Variants in RSPH14 observed in about 807,000 individuals in gnomAD.
The protein encoded by RSPH14 is rhabdoid tumor deletion region gene 1.
RSPH14 carries 20 observed loss-of-function variants against 26.7 expected under a neutral mutation model. The ratio of observed to expected loss-of-function variants is 0.75; its 90% CI spans 0.53 to 1.09. The LOEUF (loss-of-function observed/expected upper bound fraction) is 1.09, where lower values mean the gene tolerates loss of function less well. RSPH14 is among the 50% of genes least tolerant of loss of function. The pLI, the probability that RSPH14 is intolerant of heterozygous loss-of-function variation, is 0.00. For synonymous variants in RSPH14, 177 were observed against 189.3 expected, an observed-to-expected ratio of 0.93 and a Z score of 0.53; for missense variants, 449 against 457.2, an observed-to-expected ratio of 0.98 and a Z score of 0.16.
intron 4 of RSPH14, among the ~76,000 whole-genome samples, chr22:23,074,271 G>A (rs2068453099): frequency 6.6e-6 from 1 of 152,318 alleles, no homozygotes; most frequent in East Asian, 1.9e-4. Context: ...GCCATGAGGG[G>A]CTACTGCAAC....
At chr22:23,123,561 C>G (rs5751585) in intron 4 of RSPH14, 1 of 623,750 alleles carries the variant, frequency 1.6e-6, no homozygotes. Context: ...CCCTTGGCCT[C>G]TGCCTCCTTG....
In RSPH14 at chr22:23,103,410, G is replaced by A. The variant is rs184527592; in HGVS notation, c.421+30616C>T. 2.7e-3 allele frequency among the ~76,000 whole-genome samples: 418 copies of A among 152,206 alleles called. 2 individuals are homozygous for A. The highest frequency in any genetic ancestry group is 9.5e-3 in the African/African-American group (393 of 41,518). On this transcript the variant is annotated intron_variant, in intron 4 of 6. Transcript: ENST00000216036. The stretch of plus-strand genomic sequence containing the variant: ...CACTGGTGTATGGCAGGATTGATCC[G>A]CTACTGCCATCTTACTGAAGAACCC...
the RSPH14 span, among the ~76,000 whole-genome samples, chr22:23,174,369 A>G: frequency 1.6e-4 from 24 of 151,928 alleles, no homozygotes; most frequent in Middle Eastern, 3.4e-3. Context: ...GCAATAATGC[A>G]CTCCAGCATG....
chr22:23,171,671 C>T, the RSPH14 span, among the ~76,000 whole-genome samples: 9 of 151,932 alleles, frequency 5.9e-5, no homozygotes, highest in South Asian at 1.3e-3. Context: ...GGTGAAACCC[C>T]GTCTCTACTA....
intron 4 of RSPH14, among the ~76,000 whole-genome samples, chr22:23,088,278 T>G (rs981357846): frequency 2.0e-5 from 3 of 152,178 alleles, no homozygotes; most frequent in African/African-American, 7.2e-5. Flanking sequence ...CTCCTGCTGG[T>G]CCCTGCATGC....
At chr22:23,102,587 C>T (rs925763571) in intron 4 of RSPH14, among the ~76,000 whole-genome samples, 1 of 152,232 alleles carries the variant, frequency 6.6e-6, no homozygotes, top group South Asian at 2.1e-4. Context: ...TGGGCTCAAG[C>T]CCTGCTGCTT....
intron 4 of RSPH14, among the ~76,000 whole-genome samples, chr22:23,100,501 G>A (rs1315895595): frequency 6.6e-6 from 1 of 152,246 alleles, no homozygotes; most frequent in Non-Finnish European, 1.5e-5. Flanking sequence ...AAGTTCTGCA[G>A]GTGGCAAGTG....
chr22:23,128,289 G>C (rs1476076193), intron 4 of RSPH14, among the ~76,000 whole-genome samples: 1 of 151,968 alleles, frequency 6.6e-6, no homozygotes, highest in Non-Finnish European at 1.5e-5. Context: ...TAGCAGGAAT[G>C]ATGGTCACCG....
chr22:23,098,319 T>C (rs964489071), intron 4 of RSPH14, among the ~76,000 whole-genome samples: 3 of 152,226 alleles, frequency 2.0e-5, no homozygotes, highest in African/African-American at 7.2e-5. Flanking sequence ...TGGGAGGCCT[T>C]TTCTGACCTA....
the RSPH14 span, among the ~76,000 whole-genome samples, chr22:23,169,403 C>T: frequency 4.6e-5 from 7 of 152,256 alleles, no homozygotes; most frequent in Non-Finnish European, 1.0e-4. Flanking sequence ...CTCTGGCCTC[C>T]AGCCTCCCAA....
chr22:23,069,913 T>A (rs1301422990), intron 4 of RSPH14, among the ~76,000 whole-genome samples: 1 of 152,070 alleles, frequency 6.6e-6, no homozygotes, highest in Non-Finnish European at 1.5e-5. Context: ...GACGTAGAGC[T>A]CACAAGAGGC....
At chr22:23,159,241 T>C in the RSPH14 span, 21 of 1,594,856 alleles carry the variant, frequency 1.3e-5, no homozygotes, top group Admixed American at 1.7e-5. Context: ...CTGGTCAGTG[T>C]CGGCCAAGAC....
At chr22:23,174,509 T>C in the RSPH14 span, among the ~76,000 whole-genome samples, 3 of 152,330 alleles carry the variant, frequency 2.0e-5, no homozygotes, top group Non-Finnish European at 2.9e-5. Flanking sequence ...TTCTCTGTTA[T>C]ATTTTAGTTT....
intron 2 of RSPH14, among the ~76,000 whole-genome samples, chr22:23,139,741 T>TC (rs2070556366): frequency 1.3e-5 from 2 of 152,224 alleles, no homozygotes; most frequent in Admixed American, 6.5e-5. Flanking sequence ...GAATGGACTC[T>TC]CCCCTGTAGG....
At chr22:23,166,016 C>T in the RSPH14 span, among the ~76,000 whole-genome samples, 1 of 151,700 alleles carries the variant, frequency 6.6e-6, no homozygotes, top group African/African-American at 2.4e-5. Context: ...CATGGTGGCA[C>T]GCACCTGTAG....
At chr22:23,173,705 A>G in the RSPH14 span, among the ~76,000 whole-genome samples, 1 of 118,864 alleles carries the variant, frequency 8.4e-6, no homozygotes, top group Non-Finnish European at 1.7e-5. Context: ...CTCCGTTATT[A>G]TTTACTATTT....
chr22:23,135,317 C>CAAAAAAAA (rs55649510), intron 3 of RSPH14, among the ~76,000 whole-genome samples: 195 of 85,790 alleles, frequency 2.3e-3, no homozygotes, highest in Middle Eastern at 6.9e-3. Context: ...ACTAAAAATA[C>CAAAAAAAA]AAAAAAAAAA....
At chr22:23,146,096 C>G (rs2070755351), upstream of RSPH14, 17 of 890,892 alleles carry the variant, frequency 1.9e-5, 1 homozygote, top group South Asian at 7.8e-4. Context: ...TCTTCTGACT[C>G]CCAGGCAGGG....
chr22:23,109,834 G>T (rs899115542), intron 4 of RSPH14, among the ~76,000 whole-genome samples: 1 of 152,194 alleles, frequency 6.6e-6, no homozygotes, highest in Non-Finnish European at 1.5e-5. Context: ...CAGGCCTTCT[G>T]CTGGGAGGCA....
Sources: gnomAD v4.1 joint callset for allele counts (sites outside exome capture counted in the v4.1 genomes callset) on GRCh38, gnomAD v4.1.1 for gene constraint, MANE v1.5 for transcripts, NCBI Gene and HGNC (gene_info 2026-07-23, HGNC 2026-07-21) for gene names.